IGSF21: variants seen among roughly 807,000 people sequenced by gnomAD.
IGSF21 encodes the protein immunoglobulin superfamily member 21.
IGSF21 carries 28 observed loss-of-function variants against 46.8 expected under a neutral mutation model. The ratio of observed to expected loss-of-function variants is 0.60; its 90% CI spans 0.44 to 0.82. The LOEUF (loss-of-function observed/expected upper bound fraction) is 0.82. Among genes scored for constraint, IGSF21 ranks in the 40% least tolerant of loss-of-function variants. The pLI is 0.00. For synonymous variants in IGSF21, 284 were observed against 273.6 expected, an observed-to-expected ratio of 1.04 and a Z score of -0.38; for missense variants, 624 against 665.5, an observed-to-expected ratio of 0.94 and a Z score of 0.69.
intron 2 of IGSF21, among the ~76,000 whole-genome samples, chr1:18,240,625 G>A (rs2084718070): frequency 6.6e-6 from 1 of 152,212 alleles, no homozygotes; most frequent in East Asian, 1.9e-4. Context: ...ATAGATGTAT[G>A]CATGGATGGA....
chr1:18,285,331 G>T (rs1489341245), intron 2 of IGSF21, among the ~76,000 whole-genome samples: 1 of 152,106 alleles, frequency 6.6e-6, no homozygotes, highest in Non-Finnish European at 1.5e-5. Context: ...AAGTCCACCG[G>T]CCACGCTTTG....
chr1:18,338,478 C>A (rs1408859256), intron 4 of IGSF21, among the ~76,000 whole-genome samples: 1 of 152,060 alleles, frequency 6.6e-6, no homozygotes, highest in African/African-American at 2.4e-5. Flanking sequence ...GTTTGGAGGT[C>A]AATGGGAAGC....
At chr1:18,193,337 G>C (rs1371423321) in intron 1 of IGSF21, among the ~76,000 whole-genome samples, 1 of 152,238 alleles carries the variant, frequency 6.6e-6, no homozygotes, top group Admixed American at 6.5e-5. Flanking sequence ...GTCCAAGGGA[G>C]ACGAGAACCA....
chr1:18,167,214 C>T (rs986359493), intron 1 of IGSF21, among the ~76,000 whole-genome samples: 3 of 152,128 alleles, frequency 2.0e-5, no homozygotes, highest in African/African-American at 7.2e-5. Context: ...GTATCTGAAG[C>T]AAGAGTGCTG....
At chr1:18,296,585 T>C (rs1253278569) in intron 3 of IGSF21, among the ~76,000 whole-genome samples, 1 of 152,178 alleles carries the variant, frequency 6.6e-6, no homozygotes, top group East Asian at 1.9e-4. Flanking sequence ...GTGAAGGTCT[T>C]GTGACCTGCT....
At chr1:18,319,588 C>G (rs12138826) in intron 3 of IGSF21, among the ~76,000 whole-genome samples, 46,245 of 151,766 alleles carry the variant, frequency 0.3, 8,154 homozygotes, top group Admixed American at 0.38. Context: ...TGTTGTTCCT[C>G]TCATTAAGTT....
chr1:18,118,040 C>T (rs2124404543), intron 1 of IGSF21, among the ~76,000 whole-genome samples: 1 of 152,304 alleles, frequency 6.6e-6, no homozygotes, highest in South Asian at 2.1e-4. Flanking sequence ...TGGGTGGGGA[C>T]CTTGGCAGCA....
At chr1:18,262,812 G>A (rs1436212284) in intron 2 of IGSF21, among the ~76,000 whole-genome samples, 2 of 152,182 alleles carry the variant, frequency 1.3e-5, no homozygotes, top group Non-Finnish European at 2.9e-5. Flanking sequence ...CTAGAGACCT[G>A]GCCTCAAGGG....
At chr1:18,294,783 C>A (rs1186616412) in intron 3 of IGSF21, among the ~76,000 whole-genome samples, 4 of 152,244 alleles carry the variant, frequency 2.6e-5, no homozygotes, top group African/African-American at 9.6e-5. Flanking sequence ...AAGGAAGGAG[C>A]AGACCCTCTG....
At chr1:18,184,691 T>C (rs2086887402) in intron 1 of IGSF21, among the ~76,000 whole-genome samples, 1 of 152,104 alleles carries the variant, frequency 6.6e-6, no homozygotes. Context: ...CCTCTTTACC[T>C]GTGTGTTTCC....
intron 2 of IGSF21, among the ~76,000 whole-genome samples, chr1:18,283,772 T>C (rs957413449): frequency 6.6e-6 from 1 of 152,166 alleles, no homozygotes; most frequent in African/African-American, 2.4e-5. Context: ...ACTTCCTGTC[T>C]GGACTTTGGA....
intron 1 of IGSF21, among the ~76,000 whole-genome samples, chr1:18,225,085 T>TCTCTCTCACACACACACA: frequency 8.1e-4 from 42 of 51,606 alleles, no homozygotes; most frequent in African/African-American, 9.2e-4. Context: ...TCTCTCTCTC[T>TCTCTCTCACACACACACA]CACACACACA....
At chr1:18,169,846 A>C (rs1226166343) in intron 1 of IGSF21, among the ~76,000 whole-genome samples, 1 of 151,698 alleles carries the variant, frequency 6.6e-6, no homozygotes, top group Non-Finnish European at 1.5e-5. Context: ...TTGATGGGGG[A>C]GGCAGACAGG....
intron 2 of IGSF21, among the ~76,000 whole-genome samples, chr1:18,288,211 C>T (rs568557208): frequency 2.6e-5 from 4 of 152,240 alleles, no homozygotes; most frequent in African/African-American, 9.6e-5. Context: ...CTTCATGCTC[C>T]AAAGCCTCCC....
At chr1:18,140,756 G>A (rs1220393267) in intron 1 of IGSF21, among the ~76,000 whole-genome samples, 4 of 152,160 alleles carry the variant, frequency 2.6e-5, no homozygotes, top group Non-Finnish European at 4.4e-5. Flanking sequence ...TTGGCAGGGG[G>A]GATCCCTCTT....
chr1:18,354,691 C>CTAA (rs948271970), intron 4 of IGSF21, among the ~76,000 whole-genome samples: 3 of 152,038 alleles, frequency 2.0e-5, no homozygotes, highest in African/African-American at 7.2e-5. Context: ...CCAGAGTGTG[C>CTAA]TAAGCACCTT....
intron 3 of IGSF21, among the ~76,000 whole-genome samples, chr1:18,309,086 C>T (rs1039953651): frequency 4.6e-5 from 7 of 152,124 alleles, no homozygotes; most frequent in African/African-American, 1.4e-4. Context: ...CCATACTCCC[C>T]GCCCCCAGCT....
chr1:18,282,405 C>T (rs532825069), intron 2 of IGSF21, among the ~76,000 whole-genome samples: 62 of 152,158 alleles, frequency 4.1e-4, no homozygotes, highest in African/African-American at 1.4e-3. Context: ...TTCTATTTCC[C>T]CTGCTTCCTG....
chr1:18,307,442 C>G lies in IGSF21; in HGVS notation c.305+15455C>G, dbSNP rs55905837. Among the ~76,000 whole-genome samples, 1,215 of 152,292 alleles carry G rather than the reference C, an allele frequency of 8.0e-3. 15 individuals are homozygous for G. Among genetic ancestry groups the G allele is most frequent in the Non-Finnish European group, 7.5e-3 (513 of 68,034 alleles). On this transcript the variant is annotated intron_variant, in intron 3 of 9. Coordinates refer to ENST00000251296, the MANE Select transcript of IGSF21 (RefSeq NM_032880.5). ...ACACACATCGACTCATCTATCCTCA[C>G]AATGTTACAACGAAGCAGGTCCTGT... is the stretch of plus-strand genomic sequence containing the variant.
Sources: gnomAD v4.1 joint callset for allele counts (sites outside exome capture counted in the v4.1 genomes callset) on GRCh38, gnomAD v4.1.1 for gene constraint, MANE v1.5 for transcripts, NCBI Gene and HGNC (gene_info 2026-07-23, HGNC 2026-07-21) for gene names.